MAP4K4: variants seen among roughly 807,000 people sequenced by gnomAD.
MAP4K4 encodes mitogen-activated protein kinase kinase kinase kinase 4, also known as HPK/GCK-like kinase HGK.
MAP4K4 carries 38 observed loss-of-function variants against 189.6 expected under a neutral mutation model. That is an observed-to-expected ratio of 0.20 (90% CI 0.15 to 0.26). The LOEUF (loss-of-function observed/expected upper bound fraction) is 0.26, where lower values mean the gene tolerates loss of function less well. Among genes scored for constraint, MAP4K4 ranks in the 10% least tolerant of loss-of-function variants. The pLI, the probability that MAP4K4 is intolerant of heterozygous loss-of-function variation, is 1.00. For missense variants in MAP4K4, 1,054 were observed against 1,726.9 expected (o/e 0.61, Z 6.91); for synonymous variants, 610 against 624.3 (o/e 0.98, Z 0.34).
chr2:101,839,775 A>T (rs956120781), intron 9 of MAP4K4, 44 bp from the exon 10 acceptor site: 3 of 1,450,640 alleles, frequency 2.1e-6, no homozygotes, highest in African/African-American at 2.9e-5. Flanking sequence ...TTCGATCTTT[A>T]CTCTTTGTGG....
intron 7 of MAP4K4, among the ~76,000 whole-genome samples, chr2:101,832,860 G>GT (rs1309825592): frequency 7.0e-6 from 1 of 142,436 alleles, no homozygotes; most frequent in African/African-American, 2.6e-5. Context: ...GTTGTCTAAT[G>GT]TTCTACCCTC....
At chr2:101,772,103 G>T (rs1168270138) in intron 2 of MAP4K4, among the ~76,000 whole-genome samples, 2 of 152,224 alleles carry the variant, frequency 1.3e-5, no homozygotes, top group Non-Finnish European at 2.9e-5. Context: ...GGCTCAGTGT[G>T]TGTTGAAAGG....
intron 2 of MAP4K4, among the ~76,000 whole-genome samples, chr2:101,727,111 C>A: frequency 6.6e-6 from 1 of 152,068 alleles, no homozygotes; most frequent in East Asian, 1.9e-4. Context: ...CTTAAAGGCC[C>A]CACCTCAATA....
chr2:101,868,047 A>C lies in MAP4K4; in HGVS notation c.2463+10A>C. On this transcript the variant is annotated intron_variant, in intron 21 of 32. Transcript: ENST00000324219. ...ACTGAAGGGCGAAGTGGTAAGCGCC[A>C]TCTCTGAAAAGTTCCACTTCAGAGC... 6.2e-7 allele frequency: 1 copy of C among 1,611,912 alleles called. No homozygotes were observed. The highest frequency in any genetic ancestry group is 8.5e-7 in the Non-Finnish European group (1 of 1,179,064).
chr2:101,862,240 TA>T (rs57229844), intron 16 of MAP4K4: 10,324 of 58,958 alleles, frequency 0.18, 888 homozygotes, highest in Non-Finnish European at 0.22. Context: ...GACTCCATCT[TA>T]AAAAAAAAAA....
chr2:101,811,430 G>A (rs537526259), intron 3 of MAP4K4, among the ~76,000 whole-genome samples: 3 of 149,068 alleles, frequency 2.0e-5, no homozygotes, highest in African/African-American at 7.4e-5. Flanking sequence ...GGCTTCCCTG[G>A]CTTCATTCTG....
chr2:101,770,676 A>T (rs1575247664), intron 2 of MAP4K4, among the ~76,000 whole-genome samples: 1 of 152,138 alleles, frequency 6.6e-6, no homozygotes, highest in African/African-American at 2.4e-5. Context: ...ACATAGCCTC[A>T]TTTCTTAAAT....
At chr2:101,732,640 A>G (rs1462233186) in intron 2 of MAP4K4, among the ~76,000 whole-genome samples, 3 of 152,100 alleles carry the variant, frequency 2.0e-5, no homozygotes, top group East Asian at 1.9e-4. Context: ...GCTGGAGTGC[A>G]GTGCAGTGGC....
intron 2 of MAP4K4, among the ~76,000 whole-genome samples, chr2:101,744,380 C>T (rs1004763921): frequency 3.3e-5 from 5 of 152,128 alleles, no homozygotes; most frequent in African/African-American, 7.2e-5. Flanking sequence ...CAGTTGAGAC[C>T]CATCATTGTC....
chr2:101,877,868 G>C (rs917455447), intron 27 of MAP4K4, among the ~76,000 whole-genome samples: 1 of 152,104 alleles, frequency 6.6e-6, no homozygotes, highest in African/African-American at 2.4e-5. Flanking sequence ...TCCTGCCTCA[G>C]CCTCCCGAGT....
In MAP4K4 at chr2:101,825,345, G is replaced by A. The variant is rs61742467; in HGVS notation, c.333G>A (p.Gly111=). Reference sequence around the variant, plus strand: ...TTGTTATGGAGTTCTGTGGGGCTGGGTCCATTACAGACCTTGTGAAGAACA... The same window carrying A: ...TTGTTATGGAGTTCTGTGGGGCTGGATCCATTACAGACCTTGTGAAGAACA... Residue 111 remains glycine, a synonymous_variant, in exon 5 of 33, where the codon GGG becomes GGA. Transcript: ENST00000324219. 1,696 of 1,612,752 alleles carry A rather than the reference G, an allele frequency of 1.1e-3. 15 individuals carry two copies. In the African/African-American group the frequency reaches 0.021, roughly 20 times the overall value.
At chr2:101,861,045 C>T in intron 16 of MAP4K4, 59 bp downstream of exon 16, 1 of 1,456,566 alleles carries the variant, frequency 6.9e-7, no homozygotes, top group Non-Finnish European at 9.2e-7. Context: ...CGCTGAGCCG[C>T]AGGCCTGCTG....
Position 101,793,176 on chromosome 2 carries a change from A to G in MAP4K4, c.180+2400A>G, listed in dbSNP as rs189186448. 1.3e-3 allele frequency among the ~76,000 whole-genome samples: 193 copies of G among 152,332 alleles called. 1 individual carries two copies. The highest frequency in any genetic ancestry group is 4.5e-3 in the African/African-American group (189 of 41,568). On this transcript the variant is annotated intron_variant, in intron 3 of 32. Coordinates refer to ENST00000324219, the Ensembl canonical transcript of MAP4K4. ...CAATTATTGCAAAACCCATGTATTCAGGTAAAATGAAAACCAGATGGTGAG... is the reference window on the plus strand; with the variant it reads ...CAATTATTGCAAAACCCATGTATTCGGGTAAAATGAAAACCAGATGGTGAG...
chr2:101,825,336 T>C, exon 5 of MAP4K4: 1 of 1,611,984 alleles, frequency 6.2e-7, no homozygotes, highest in Non-Finnish European at 8.5e-7. Flanking sequence ...TGGAGTTCTG[T>C]GGGGCTGGGT....
chr2:101,861,915 A>T (rs1049038709), intron 16 of MAP4K4: 4 of 148,600 alleles, frequency 2.7e-5, no homozygotes, highest in African/African-American at 9.9e-5. Context: ...AAACTGTGGG[A>T]TCTGCAGCAT....
chr2:101,802,550 G>A (rs147442243), intron 3 of MAP4K4, among the ~76,000 whole-genome samples: 42 of 152,160 alleles, frequency 2.8e-4, no homozygotes, highest in African/African-American at 9.9e-4. Context: ...GTCACTTGCT[G>A]TTTGTTCATT....
chr2:101,715,554 T>G (rs181167155), intron 2 of MAP4K4, among the ~76,000 whole-genome samples: 6 of 152,310 alleles, frequency 3.9e-5, no homozygotes, highest in Admixed American at 3.9e-4. Context: ...TTTGGAATGT[T>G]CATATTATAT....
At chr2:101,884,182 A>G (rs750657565) in intron 28 of MAP4K4, among the ~76,000 whole-genome samples, 5 of 152,218 alleles carry the variant, frequency 3.3e-5, no homozygotes, top group Non-Finnish European at 7.3e-5. Context: ...CGTTGTCATT[A>G]TGGTTGCCAC....
intron 3 of MAP4K4, among the ~76,000 whole-genome samples, chr2:101,814,631 G>A (rs2095615616): frequency 6.6e-6 from 1 of 152,144 alleles, no homozygotes; most frequent in Non-Finnish European, 1.5e-5. Context: ...GCAGACTATA[G>A]CAAATTTCCA....
Sources: gnomAD v4.1 joint callset for allele counts (sites outside exome capture counted in the v4.1 genomes callset) on GRCh38, gnomAD v4.1.1 for gene constraint, MANE v1.5 for transcripts, NCBI Gene and HGNC (gene_info 2026-07-23, HGNC 2026-07-21) for gene names.